The following TEKT5 variants were observed in gnomAD, a reference collection of about 807,000 sequenced individuals.
TEKT5 encodes the protein tektin 5.
A neutral mutation model predicts 48.7 loss-of-function variants in TEKT5; 52 were observed. The ratio of observed to expected loss-of-function variants is 1.07; its 90% confidence interval spans 0.86 to 1.35. The LOEUF is 1.35. Among genes scored for constraint, TEKT5 ranks in the 40% most tolerant of loss-of-function variants. TEKT5 has a pLI of 0.00. For synonymous variants in TEKT5, 318 were observed against 267.6 expected, an observed-to-expected ratio of 1.19 and a Z score of -1.84; for missense variants, 831 against 641.6, an observed-to-expected ratio of 1.30 and a Z score of -3.19.
intron 5 of TEKT5, among the ~76,000 whole-genome samples, chr16:10,645,622 G>C (rs1484569039): frequency 6.6e-6 from 1 of 152,142 alleles, no homozygotes; most frequent in Non-Finnish European, 1.5e-5. Flanking sequence ...GGCCAACATG[G>C]TAAAATCCCA....
intron 1 of TEKT5, among the ~76,000 whole-genome samples, chr16:10,690,404 T>G (rs1382864257): frequency 2.6e-5 from 4 of 152,234 alleles, no homozygotes; most frequent in Non-Finnish European, 1.5e-5. Context: ...ATCTTCCATG[T>G]AGCTTCTCTT....
intron 5 of TEKT5, among the ~76,000 whole-genome samples, chr16:10,640,640 T>C (rs983624036): frequency 3.4e-4 from 51 of 152,164 alleles, no homozygotes; most frequent in Non-Finnish European, 6.9e-4. Flanking sequence ...CCGCCTACCC[T>C]AGGCAACCAC....
intron 4 of TEKT5, 77 bp from the exon 5 acceptor site, chr16:10,676,258 G>C: frequency 7.1e-7 from 1 of 1,413,858 alleles, no homozygotes; most frequent in Non-Finnish European, 9.9e-7. Flanking sequence ...TGGCAGTCTT[G>C]GCCTCTGGGT....
intron 5 of TEKT5, among the ~76,000 whole-genome samples, chr16:10,669,666 A>G (rs1898521485): frequency 6.6e-6 from 1 of 152,160 alleles, no homozygotes; most frequent in Non-Finnish European, 1.5e-5. Flanking sequence ...CACTTTCTCC[A>G]TAGAAGTATC....
At chr16:10,664,941 C>T (rs905193829) in intron 5 of TEKT5, among the ~76,000 whole-genome samples, 1 of 152,206 alleles carries the variant, frequency 6.6e-6, no homozygotes, top group African/African-American at 2.4e-5. Context: ...ATCATCATTA[C>T]TCCCATTTGA....
chr16:10,646,598 T>A (rs1274043831), intron 5 of TEKT5, among the ~76,000 whole-genome samples: 1 of 152,212 alleles, frequency 6.6e-6, no homozygotes, highest in Non-Finnish European at 1.5e-5. Flanking sequence ...AACAGAATTT[T>A]TTTTTTCAAA....
At chr16:10,693,455 G>C (rs908538161) in intron 1 of TEKT5, among the ~76,000 whole-genome samples, 1 of 152,150 alleles carries the variant, frequency 6.6e-6, no homozygotes, top group Admixed American at 6.5e-5. Flanking sequence ...TCTGTGCTTC[G>C]CCCTGTCCTA....
intron 4 of TEKT5, among the ~76,000 whole-genome samples, chr16:10,676,382 A>T (rs1179682792): frequency 6.6e-6 from 1 of 152,150 alleles, no homozygotes; most frequent in East Asian, 1.9e-4. Context: ...GTGACAACCA[A>T]AAAATGGCTC....
In TEKT5 at chr16:10,682,771, G is replaced by C. The variant is rs567220440; in HGVS notation, c.720-635C>G. On this transcript the variant is annotated intron_variant, in intron 3 of 6. Transcript: ENST00000283025. Reference sequence around the variant, plus strand: ...CAGTCGCAGATATGTAAAAATCCATGTGGCTTCATCTCAATAAAACTTTAT... The same window carrying C: ...CAGTCGCAGATATGTAAAAATCCATCTGGCTTCATCTCAATAAAACTTTAT... Among the ~76,000 whole-genome samples, 39 of 152,332 alleles carry C rather than the reference G, an allele frequency of 2.6e-4. No individual in the cohort carries two copies. In the South Asian group the frequency reaches 7.5e-3, roughly 29 times the overall value.
chr16:10,633,429 G>C (rs1237047009), intron 6 of TEKT5, among the ~76,000 whole-genome samples: 6 of 152,152 alleles, frequency 3.9e-5, no homozygotes, highest in Admixed American at 1.3e-4. Flanking sequence ...CTGGGGTTCA[G>C]CCTGAGCATC....
chr16:10,683,837 C>G (rs1259211239), intron 3 of TEKT5, among the ~76,000 whole-genome samples: 1 of 152,250 alleles, frequency 6.6e-6, no homozygotes, highest in African/African-American at 2.4e-5. Flanking sequence ...AGGCGATCCG[C>G]CTGCCTTGGC....
Position 10,635,891 on chromosome 16 carries a change from T to C in TEKT5, c.1114A>G (p.Asn372Asp). ...KTLQEIFQAE[N>D]TIMLLERSIM... Reference sequence around the variant, plus strand: ...GACCTTTCCAGCAGCATGATGGTGTTCTCGGCCTGGAAGATCTCCTGCAGC... The same window carrying C: ...GACCTTTCCAGCAGCATGATGGTGTCCTCGGCCTGGAAGATCTCCTGCAGC... The change falls in exon 6 of 7, where the codon AAC (asparagine) becomes GAC (aspartate). Residue 372 changes from asparagine (N) to aspartate (D), a missense_variant. Asn to Asp is a conservative substitution (Grantham distance 23). Coordinates refer to ENST00000283025, the MANE Select transcript of TEKT5 (RefSeq NM_144674.2). 3 of 1,614,058 alleles carry C rather than the reference T, an allele frequency of 1.9e-6. No individual in the cohort carries two copies. The highest frequency in any genetic ancestry group is 1.7e-6 in the Non-Finnish European group (2 of 1,180,036).
chr16:10,672,423 C>G (rs150776337), intron 5 of TEKT5, among the ~76,000 whole-genome samples: 124 of 152,216 alleles, frequency 8.1e-4, no homozygotes, highest in African/African-American at 2.9e-3. Flanking sequence ...AAAACGCCGT[C>G]TCTACAAAAA....
chr16:10,689,173 A>C (rs1404983806), intron 3 of TEKT5, 80 bp downstream of exon 3: 9 of 1,213,054 alleles, frequency 7.4e-6, no homozygotes, highest in Middle Eastern at 1.9e-4. Flanking sequence ...AAGTGGGCCC[A>C]TCTGGCTTGT....
intron 3 of TEKT5, among the ~76,000 whole-genome samples, chr16:10,688,458 C>G (rs962910421): frequency 1.2e-4 from 18 of 152,246 alleles, no homozygotes; most frequent in African/African-American, 4.3e-4. Context: ...TCCACGCCAA[C>G]TGCCCATGTG....
Position 10,694,682 on chromosome 16 carries a change from G to A in TEKT5, c.192C>T (p.Cys64=), listed in dbSNP as rs764416077. The A allele has an allele frequency of 9.9e-6, 16 of 1,613,428 alleles. No individual in the cohort carries two copies. The African/African-American group carries it at 2.0e-4, about 20-fold the overall frequency. The change falls in exon 1 of 7, where the codon TGC becomes TGT. Residue 64 remains cysteine, a synonymous_variant. Coordinates refer to ENST00000283025, the MANE Select transcript of TEKT5 (RefSeq NM_144674.2). ...LFYKIANVQT[C]PDESTSTLRP... is the part of the protein sequence containing the mutation. ...GCAGGGTACTGGTGCTCTCGTCCGG[G>A]CAGGTCTGGACGTTGGCTATCTTGT...
intron 6 of TEKT5, among the ~76,000 whole-genome samples, chr16:10,630,159 C>T (rs1344241013): frequency 3.3e-5 from 5 of 152,106 alleles, no homozygotes; most frequent in African/African-American, 4.8e-5. Flanking sequence ...GTCTCAAACT[C>T]CCGGGCTCAA....
intron 5 of TEKT5, among the ~76,000 whole-genome samples, chr16:10,665,204 G>C (rs1046348998): frequency 2.6e-5 from 4 of 152,182 alleles, no homozygotes; most frequent in African/African-American, 9.7e-5. Flanking sequence ...AGGTGGAGGA[G>C]TCATCACTTG....
chr16:10,668,940 G>GGCA (rs1171046997), intron 5 of TEKT5, among the ~76,000 whole-genome samples: 1 of 152,150 alleles, frequency 6.6e-6, no homozygotes, highest in East Asian at 1.9e-4. Context: ...CCCAAAGAGA[G>GGCA]GCAGCAGCCA....
Sources: allele counts gnomAD v4.1 joint callset (sites outside exome capture counted in the v4.1 genomes callset), GRCh38; gene constraint gnomAD v4.1.1; transcripts MANE v1.5; gene names NCBI Gene and HGNC (gene_info 2026-07-23, HGNC 2026-07-21).